CNKSR2: variants seen among roughly 807,000 people sequenced by gnomAD.
CNKSR2 encodes connector enhancer of kinase suppressor of Ras 2.
CNKSR2 carries 14 observed loss-of-function variants against 84.4 expected under a neutral mutation model. The ratio of observed to expected loss-of-function variants is 0.17; its 90% CI spans 0.11 to 0.26. The LOEUF (loss-of-function observed/expected upper bound fraction) is 0.26, where lower values mean the gene tolerates loss of function less well. Among genes scored for constraint, CNKSR2 ranks in the 10% least tolerant of loss-of-function variants. The pLI is 1.00. For synonymous variants in CNKSR2, 275 were observed against 277.9 expected, an observed-to-expected ratio of 0.99 and a Z score of 0.10; for missense variants, 485 against 771.2, an observed-to-expected ratio of 0.63 and a Z score of 4.40.
chrX:21,544,635 C>A (rs1194567402), intron 11 of CNKSR2, among the ~76,000 whole-genome samples: 1 of 111,457 alleles, frequency 9.0e-6, no homozygotes, highest in Admixed American at 9.4e-5. Flanking sequence ...TCTGCAGCTC[C>A]CAGAGGGATC....
chrX:21,529,627 A>G (rs2091867436), intron 10 of CNKSR2, among the ~76,000 whole-genome samples: 1 of 110,754 alleles, frequency 9.0e-6, no homozygotes, highest in Non-Finnish European at 1.9e-5. Flanking sequence ...TTACATCAGA[A>G]TGAATTAACA....
intron 11 of CNKSR2, among the ~76,000 whole-genome samples, chrX:21,559,539 G>T (rs772582349): frequency 9.0e-6 from 1 of 111,323 alleles, no homozygotes; most frequent in Admixed American, 9.5e-5. Context: ...ATGAACAAAG[G>T]GTCGGTCTGA....
intron 20 of CNKSR2, among the ~76,000 whole-genome samples, chrX:21,639,270 A>G (rs2092684056): frequency 8.9e-6 from 1 of 111,732 alleles, no homozygotes; most frequent in Non-Finnish European, 1.9e-5. Context: ...CCAAGATAGA[A>G]GGACAGTATC....
intron 20 of CNKSR2, among the ~76,000 whole-genome samples, chrX:21,610,687 A>G (rs1017500570): frequency 8.9e-6 from 1 of 112,032 alleles, no homozygotes; most frequent in Non-Finnish European, 1.9e-5. Flanking sequence ...AGCCCATTTT[A>G]CAAATATATG....
intron 1 of CNKSR2, among the ~76,000 whole-genome samples, chrX:21,396,102 C>T (rs2090118640): frequency 1.8e-5 from 2 of 110,873 alleles, no homozygotes; most frequent in Non-Finnish European, 3.8e-5. Flanking sequence ...GGTTAGCAAG[C>T]ATATCATTGA....
In CNKSR2 at chrX:21,526,879, A is replaced by G; in HGVS notation, c.970A>G (p.Arg324Gly). 2.5e-6 allele frequency: 3 copies of G among 1,205,296 alleles called. No individual in the cohort carries two copies. Among genetic ancestry groups the G allele is most frequent in the Non-Finnish European group, 3.4e-6 (3 of 890,914 alleles). ...KPLALQPLIP[R>G]SPTSSVATPS... ...TCATTTTAACCAGCCTCTTATACCT[A>G]GAAGTCCCACAAGCAGCGTTGCCAC... Residue 324 changes from arginine (R) to glycine (G), a missense_variant, in exon 10 of 22, where the codon AGA (arginine) becomes GGA (glycine). Arg to Gly is a moderately radical substitution (Grantham distance 125). Coordinates refer to ENST00000379510, the MANE Select transcript of CNKSR2 (RefSeq NM_014927.5).
intron 8 of CNKSR2, chrX:21,506,021 G>A (rs2147075442): frequency 9.2e-6 from 1 of 108,302 alleles, no homozygotes; most frequent in East Asian, 2.9e-4. Context: ...ATTTTCTTCT[G>A]TTCTGCTTTC....
intron 20 of CNKSR2, among the ~76,000 whole-genome samples, chrX:21,611,555 T>G (rs1225027816): frequency 8.9e-6 from 1 of 112,418 alleles, no homozygotes; most frequent in African/African-American, 3.2e-5. Context: ...TTCTTCAGGT[T>G]TCCAGTAGTC....
rs959546675 is a variant in CNKSR2, at chrX:21,450,316, T to C, written c.519+9535T>C. ...CAAATTAAGCCTAGATTTAAGATAG[T>C]ACTATTACTTGGACAATTTAGTATT... On this transcript the variant is annotated intron_variant, in intron 4 of 21. Transcript: ENST00000379510. Among the ~76,000 whole-genome samples, 13 of 112,166 alleles carry C rather than the reference T, an allele frequency of 1.2e-4. No homozygotes were observed. In the East Asian group the frequency reaches 2.2e-3, roughly 19 times the overall value.
chrX:21,411,963 A>G (rs772818701), intron 1 of CNKSR2, among the ~76,000 whole-genome samples: 3 of 111,861 alleles, frequency 2.7e-5, no homozygotes, highest in African/African-American at 9.7e-5. Context: ...TTAATAAATA[A>G]AAGTTGGTAT....
intron 20 of CNKSR2, among the ~76,000 whole-genome samples, chrX:21,623,340 G>C (rs768265892): frequency 9.0e-6 from 1 of 111,559 alleles, no homozygotes; most frequent in Non-Finnish European, 1.9e-5. Context: ...GCTCTAAAGA[G>C]CTTATAGAAA....
At chrX:21,544,451 G>T (rs2092003760) in intron 11 of CNKSR2, among the ~76,000 whole-genome samples, 1 of 111,512 alleles carries the variant, frequency 9.0e-6, no homozygotes, top group African/African-American at 3.3e-5. Flanking sequence ...AAAAATGGAA[G>T]AATAGTATAT....
intron 11 of CNKSR2, 157 bp downstream of exon 11, chrX:21,532,224 C>T (rs981535178): frequency 2.3e-4 from 78 of 337,330 alleles, no homozygotes; most frequent in Non-Finnish European, 3.4e-4. Context: ...GGAATTTCTA[C>T]AATATGAGAC....
intron 13 of CNKSR2, among the ~76,000 whole-genome samples, chrX:21,583,855 A>G (rs192962614): frequency 8.9e-6 from 1 of 112,130 alleles, no homozygotes; most frequent in East Asian, 2.8e-4. Flanking sequence ...TGAACAGAAC[A>G]TCTGTGGACA....
chrX:21,466,276 A>T (rs1435891826), intron 4 of CNKSR2, among the ~76,000 whole-genome samples: 2 of 111,345 alleles, frequency 1.8e-5, no homozygotes, highest in East Asian at 5.7e-4. Flanking sequence ...TAAAGTATAG[A>T]TTTATCCATA....
At chrX:21,533,208 G>A (rs1261813364) in intron 11 of CNKSR2, among the ~76,000 whole-genome samples, 3 of 110,463 alleles carry the variant, frequency 2.7e-5, no homozygotes, top group Non-Finnish European at 3.8e-5. Flanking sequence ...CAATTAAACT[G>A]TTAAGTATTG....
intron 11 of CNKSR2, among the ~76,000 whole-genome samples, chrX:21,554,220 G>T (rs1308973785): frequency 8.9e-6 from 1 of 111,853 alleles, no homozygotes; most frequent in Non-Finnish European, 1.9e-5. Flanking sequence ...TTTTGACGCA[G>T]TTCAGTATTT....
chrX:21,566,212 G>A (rs955060304), intron 13 of CNKSR2, among the ~76,000 whole-genome samples: 7 of 111,700 alleles, frequency 6.3e-5, no homozygotes, highest in African/African-American at 1.9e-4. Flanking sequence ...TTAAGTTAGG[G>A]GAAACATACT....
chrX:21,619,616 T>C (rs1298463061), intron 20 of CNKSR2, among the ~76,000 whole-genome samples: 3 of 110,686 alleles, frequency 2.7e-5, no homozygotes, highest in African/African-American at 6.5e-5. Context: ...ATTTTCGTTA[T>C]AATTTTTTTT....
Sources: allele counts gnomAD v4.1 joint callset (sites outside exome capture counted in the v4.1 genomes callset), GRCh38; gene constraint gnomAD v4.1.1; transcripts MANE v1.5; gene names NCBI Gene and HGNC (gene_info 2026-07-23, HGNC 2026-07-21).